SLC23A2: variants seen among roughly 807,000 people sequenced by gnomAD.
SLC23A2 encodes Na(+)/L-ascorbic acid transporter 2.
Under a neutral mutation model 73.3 loss-of-function variants are expected in SLC23A2, and 36 were observed. The observed-to-expected ratio is 0.49, with a 90% CI of 0.38 to 0.65. The LOEUF (loss-of-function observed/expected upper bound fraction) is 0.65, where lower values mean the gene tolerates loss of function less well. Among genes scored for constraint, SLC23A2 ranks in the 30% least tolerant of loss-of-function variants. The pLI is 0.00. For missense variants in SLC23A2, 507 were observed against 841.6 expected, an observed-to-expected ratio of 0.60 and a Z score of 4.92; for synonymous variants, 343 against 327.3, an observed-to-expected ratio of 1.05 and a Z score of -0.52.
chr20:4,974,385 T>C (rs1349049415), intron 1 of SLC23A2, among the ~76,000 whole-genome samples: 1 of 152,040 alleles, frequency 6.6e-6, no homozygotes, highest in African/African-American at 2.4e-5. Flanking sequence ...GGAGAATCGC[T>C]TGAACCCAGG....
intron 1 of SLC23A2, among the ~76,000 whole-genome samples, chr20:5,000,761 C>T (rs1258265788): frequency 6.6e-5 from 10 of 152,164 alleles, no homozygotes; most frequent in African/African-American, 1.9e-4. Flanking sequence ...TAGTCACACT[C>T]GAAATGTCAT....
chr20:4,994,844 G>C (rs2087992118), intron 1 of SLC23A2, among the ~76,000 whole-genome samples: 1 of 151,932 alleles, frequency 6.6e-6, no homozygotes, highest in Admixed American at 6.6e-5. Flanking sequence ...TGAGGCAGGA[G>C]AATCGCTTGA....
rs1930276306 is a variant in SLC23A2 at position 4,868,070 on chromosome 20, GCAT to G, written c.1251-198_1251-196del. Among the ~76,000 whole-genome samples the G allele has an allele frequency of 7.3e-6, 1 of 137,590 alleles. No homozygotes were observed. Among genetic ancestry groups the G allele is most frequent in the African/African-American group, 2.8e-5 (1 of 35,604 alleles). 90.3% of individuals were successfully genotyped at this position (137,590 alleles called of 152,430 possible). A position where few individuals can be genotyped will look rare whatever the true frequency, so the allele number is the denominator to read the frequency against. ...GACCTGCTGAAGCAGAAAAGAATCT[GCAT>G]TTTTTTTTTTTTTTTTTTTTTTTTT... On this transcript the variant is annotated intron_variant, in intron 12 of 16. Coordinates refer to ENST00000338244, the MANE Select transcript of SLC23A2 (RefSeq NM_005116.6). The surrounding 1 kb of genome is among the most constrained non-coding windows in gnomAD (Gnocchi z 4.4).
intron 6 of SLC23A2, among the ~76,000 whole-genome samples, chr20:4,898,508 T>C (rs1487205533): frequency 2.0e-5 from 3 of 152,236 alleles, no homozygotes; most frequent in Non-Finnish European, 4.4e-5. Context: ...TTACTCAGCC[T>C]GTCTCTGACA....
At chr20:4,922,087 A>G (rs1287544797) in intron 3 of SLC23A2, among the ~76,000 whole-genome samples, 3 of 152,244 alleles carry the variant, frequency 2.0e-5, no homozygotes, top group Non-Finnish European at 4.4e-5. Context: ...AGATTATGGT[A>G]AAGAAATCAA....
intron 2 of SLC23A2, among the ~76,000 whole-genome samples, chr20:4,959,891 C>A (rs6116594): frequency 6.6e-6 from 1 of 152,182 alleles, no homozygotes; most frequent in Non-Finnish European, 1.5e-5. Flanking sequence ...TCAAGCAATC[C>A]TCCCACCTCA....
intron 7 of SLC23A2, 46 bp from the exon 8 acceptor site, chr20:4,884,869 C>A: frequency 9.4e-7 from 1 of 1,060,624 alleles, no homozygotes; most frequent in Non-Finnish European, 1.4e-6. Flanking sequence ...ACTGATGTCT[C>A]ACATGACATA....
intron 4 of SLC23A2, among the ~76,000 whole-genome samples, chr20:4,908,053 A>C (rs1932019644): frequency 1.3e-5 from 2 of 152,236 alleles, no homozygotes; most frequent in Non-Finnish European, 2.9e-5. Flanking sequence ...AAGAGGAAAA[A>C]AAAGATTAAA....
At chr20:4,944,421 T>G (rs2087086509) in intron 2 of SLC23A2, among the ~76,000 whole-genome samples, 1 of 152,142 alleles carries the variant, frequency 6.6e-6, no homozygotes, top group Non-Finnish European at 1.5e-5. Context: ...GTATTTTTAG[T>G]AGAGACAGGG....
upstream of SLC23A2, among the ~76,000 whole-genome samples, chr20:5,004,540 C>T (rs1195005888): frequency 6.6e-6 from 1 of 152,174 alleles, no homozygotes; most frequent in Non-Finnish European, 1.5e-5. Context: ...CCTTCAGGGC[C>T]TCCCAGTCAA....
intron 4 of SLC23A2, among the ~76,000 whole-genome samples, chr20:4,908,484 T>C (rs897893344): frequency 1.3e-5 from 2 of 152,224 alleles, no homozygotes; most frequent in Non-Finnish European, 1.5e-5. Flanking sequence ...TTAATTAACT[T>C]ATTTATTTAT....
chr20:4,857,287 C>T lies in SLC23A2; in HGVS notation c.1721-83G>A, dbSNP rs182245442. 332 of 107,916 alleles carry T rather than the reference C, an allele frequency of 3.1e-3. No homozygotes were observed. Among genetic ancestry groups the T allele is most frequent in the East Asian group, 0.026 (321 of 12,258 alleles). The allele number at this position is 107,916 out of a possible 1,614,324, so 6.7% of individuals were successfully genotyped here. A position where few individuals can be genotyped will look rare whatever the true frequency, so the allele number is the denominator to read the frequency against. ...ATGAAACTGTCGTCAAACACATACA[C>T]ACACACACACACACACACACACACA... On this transcript the variant is annotated intron_variant, in intron 16 of 16. Transcript: ENST00000338244. The surrounding 1 kb of genome is among the most constrained non-coding windows in gnomAD (Gnocchi z 4.0).
In SLC23A2 at chr20:4,862,320, G is replaced by A. The variant is rs549814831; in HGVS notation, c.1487-235C>T. 2.6e-5 allele frequency among the ~76,000 whole-genome samples: 4 copies of A among 152,318 alleles called. No homozygotes were observed. The highest frequency in any genetic ancestry group is 9.6e-5 in the African/African-American group (4 of 41,570). ...TCCTACGGGAGCATAAACACCATGT[G>A]GCATTTTGTTTGTCAAATAGAAAAC... On this transcript the variant is annotated intron_variant, in intron 14 of 16. Transcript: ENST00000338244. The surrounding 1 kb of genome is among the most constrained non-coding windows in gnomAD (Gnocchi z 5.1).
intron 3 of SLC23A2, among the ~76,000 whole-genome samples, chr20:4,931,357 T>C (rs1325621988): frequency 6.6e-6 from 1 of 152,086 alleles, no homozygotes; most frequent in African/African-American, 2.4e-5. Context: ...AAAATAATAC[T>C]GACACCTCTG....
chr20:4,961,294 G>A (rs1223147783), intron 2 of SLC23A2, among the ~76,000 whole-genome samples: 1 of 151,926 alleles, frequency 6.6e-6, no homozygotes, highest in South Asian at 2.1e-4. Context: ...TGTTAGCCAG[G>A]ATGGTCTCGA....
At chr20:4,900,263 A>C (rs1422175049) in intron 5 of SLC23A2, among the ~76,000 whole-genome samples, 4 of 152,256 alleles carry the variant, frequency 2.6e-5, no homozygotes, top group African/African-American at 9.6e-5. Flanking sequence ...CAAAGGAAAC[A>C]GTCAATATCA....
Position 4,863,008 on chromosome 20 carries a change from C to A in SLC23A2, c.1357-101G>T. ...CAGCAGAGATACCCATGGCCTGGCT[C>A]GCTACCTTCACCTCCTCCTCAGCCC... On this transcript the variant is annotated intron_variant, in intron 13 of 16. Transcript: ENST00000338244. The surrounding 1 kb of genome is among the most constrained non-coding windows in gnomAD (Gnocchi z 4.8). 8.2e-7 allele frequency: 1 copy of A among 1,220,714 alleles called. No individual in the cohort carries two copies. The highest frequency in any genetic ancestry group is 1.1e-6 in the Non-Finnish European group (1 of 875,430). The allele number at this position is 1,220,714 out of a possible 1,614,324, so 75.6% of individuals were successfully genotyped here.
intron 3 of SLC23A2, among the ~76,000 whole-genome samples, chr20:4,927,697 A>C (rs1932719830): frequency 6.6e-6 from 1 of 152,232 alleles, no homozygotes; most frequent in African/African-American, 2.4e-5. Context: ...GTTCTTCTGT[A>C]TAAAATCTTG....
intron 1 of SLC23A2, among the ~76,000 whole-genome samples, chr20:4,989,800 T>G (rs1258287447): frequency 6.6e-6 from 1 of 152,190 alleles, no homozygotes; most frequent in African/African-American, 2.4e-5. Flanking sequence ...ATTTGGGGAT[T>G]AGAAATGCTC....
Sources: allele counts gnomAD v4.1 joint callset (sites outside exome capture counted in the v4.1 genomes callset), GRCh38; gene constraint gnomAD v4.1.1; non-coding constraint Gnocchi (gnomAD v3.1); transcripts MANE v1.5; gene names NCBI Gene and HGNC (gene_info 2026-07-23, HGNC 2026-07-21).